The following SRSF3 variants were observed in gnomAD, a reference collection of about 807,000 sequenced individuals.
SRSF3 encodes serine and arginine rich splicing factor 3.
For synonymous variants in SRSF3, 87 were observed against 73.6 expected (o/e 1.18, Z -0.93); for missense variants, 58 against 217.1 (o/e 0.27, Z 4.61).
Position 36,601,001 on chromosome 6 carries a change from C to CTTTTTTTTTTTTTTT in SRSF3, c.342-140_342-126dup. ...GCCTTTTTTTTCTTTTCTTTTTTTT[C>CTTTTTTTTTTTTTTT]TTTTTTTTTTTTTTTTTTTTTTTTT... On this transcript the variant is annotated intron_variant, in intron 3 of 5. Coordinates refer to ENST00000373715, the MANE Select transcript of SRSF3 (RefSeq NM_003017.5). 7.4e-3 allele frequency: 643 copies of CTTTTTTTTTTTTTTT among 86,528 alleles called. 82 individuals are homozygous for CTTTTTTTTTTTTTTT. Among genetic ancestry groups the CTTTTTTTTTTTTTTT allele is most frequent in the East Asian group, 0.016 (38 of 2,330 alleles). The allele number at this position is 86,528 out of a possible 1,614,324, so 5.4% of individuals were successfully genotyped here.
Position 36,604,646 on chromosome 6 carries a change from C to A in SRSF3, c.*2657C>A, listed in dbSNP as rs1283361428. 3 of 164,148 alleles carry A rather than the reference C, an allele frequency of 1.8e-5. No individual in the cohort carries two copies. Among genetic ancestry groups the A allele is most frequent in the Non-Finnish European group, 4.0e-5 (3 of 74,920 alleles). The allele number at this position is 164,148 out of a possible 1,614,324, so 10.2% of individuals were successfully genotyped here. A position where few individuals can be genotyped will look rare whatever the true frequency, so the allele number is the denominator to read the frequency against. On this transcript the variant is annotated 3_prime_UTR_variant, in exon 6 of 6. Transcript: ENST00000373715. The stretch of plus-strand genomic sequence containing the variant: ...CACTCCCACCCTGTTAGACTGCTGT[C>A]AGTGGCTTTCACACAAACCCATATG...
At chr6:36,596,577 G>A (rs531026242) in intron 1 of SRSF3, among the ~76,000 whole-genome samples, 184 bp from the exon 2 acceptor site, 2 of 133,884 alleles carry the variant, frequency 1.5e-5, no homozygotes, top group African/African-American at 5.2e-5. Context: ...GGGGTGGCGG[G>A]GGGGGGGAAA....
chr6:36,597,949 C>G (rs915660424), intron 2 of SRSF3, among the ~76,000 whole-genome samples: 1 of 152,132 alleles, frequency 6.6e-6, no homozygotes, highest in African/African-American at 2.4e-5. Context: ...CCTGCCTCAG[C>G]CTCTCTGAGT....
chr6:36,604,889 T>A lies in SRSF3; in HGVS notation c.*2900T>A, dbSNP rs1361413123. On this transcript the variant is annotated 3_prime_UTR_variant, in exon 6 of 6. Coordinates refer to ENST00000373715, the MANE Select transcript of SRSF3 (RefSeq NM_003017.5). ...ACTAGTTTAGTATTTTGTCCAAGTA[T>A]GCTTTTTTTCAGAGTTCTGAATGAG... The A allele has an allele frequency of 6.6e-6, 1 of 152,224 alleles. No individual in the cohort carries two copies. Among genetic ancestry groups the A allele is most frequent in the East Asian group, 1.9e-4 (1 of 5,204 alleles). The allele number at this position is 152,224 out of a possible 1,614,324, so 9.4% of individuals were successfully genotyped here.
At chr6:36,601,465 A>G (rs951001332) in intron 4 of SRSF3, 1 of 566,796 alleles carries the variant, frequency 1.8e-6, no homozygotes, top group East Asian at 2.8e-5. Flanking sequence ...CTCCCTCTTC[A>G]GCCTCCTGAG....
intron 2 of SRSF3, 90 bp downstream of exon 2, chr6:36,597,058 C>T (rs1778641181): frequency 4.8e-6 from 5 of 1,040,812 alleles, no homozygotes; most frequent in Non-Finnish European, 7.3e-6. Context: ...ATGGCTTTCC[C>T]AATCACTGGC....
In SRSF3 at chr6:36,598,736, G is replaced by C. The variant is rs9368942; in HGVS notation, c.207-113G>C. On this transcript the variant is annotated intron_variant, in intron 2 of 5. Transcript: ENST00000373715. ...GGAGCTAGAAATTTGATGTTAAATT[G>C]CACAGACACTTAGGTGTGTTCTTTG... 436,036 of 1,269,444 alleles carry C rather than the reference G, an allele frequency of 0.34. 80,814 individuals carry two copies. The highest frequency in any genetic ancestry group is 0.64 in the East Asian group (27,296 of 42,408). The allele number at this position is 1,269,444 out of a possible 1,614,324, so 78.6% of individuals were successfully genotyped here.
At chr6:36,594,534 A>C (rs1327080853) in intron 1 of SRSF3, 53 bp downstream of exon 1, 1 of 152,282 alleles carries the variant, frequency 6.6e-6, no homozygotes, top group South Asian at 2.1e-4. Context: ...TAACAGTACC[A>C]AGGAGCCAGG....
Position 36,601,804 on chromosome 6 carries a change from T to A in SRSF3, c.467+10T>A. ...TCTCTAGGTCTCGTAGGTAAGATCT[T>A]TGATAACTTGTATTTAAGACTTTGC... On this transcript the variant is annotated intron_variant, in intron 5 of 5. Coordinates refer to ENST00000373715, the MANE Select transcript of SRSF3 (RefSeq NM_003017.5). 6.2e-7 allele frequency: 1 copy of A among 1,606,504 alleles called. No homozygotes were observed. The highest frequency in any genetic ancestry group is 8.5e-7 in the Non-Finnish European group (1 of 1,173,832).
At chr6:36,599,948 GCCAGT>G in intron 3 of SRSF3, 1 of 1,331,766 alleles carries the variant, frequency 7.5e-7, no homozygotes, top group Non-Finnish European at 9.9e-7. Flanking sequence ...ACCCAGGCTG[GCCAGT>G]CGTCAGGTTG....
rs1778790911 is a variant in SRSF3, at chr6:36,605,286, T to TG, written c.*3299dup. 1 of 152,130 alleles carries TG rather than the reference T, an allele frequency of 6.6e-6. No homozygotes were observed. Among genetic ancestry groups the TG allele is most frequent in the South Asian group, 2.1e-4 (1 of 4,828 alleles). 9.4% of individuals were successfully genotyped at this position (152,130 alleles called of 1,614,324 possible). A position where few individuals can be genotyped will look rare whatever the true frequency, so the allele number is the denominator to read the frequency against. On this transcript the variant is annotated 3_prime_UTR_variant, in exon 6 of 6. Coordinates refer to ENST00000373715, the MANE Select transcript of SRSF3 (RefSeq NM_003017.5). ...AGGTGGATCACTTGTGGTCAGGAGT[T>TG]GGAGACCAGCTTGGTCAACATGGTG...
At chr6:36,594,821 C>A (rs1298378972) in intron 1 of SRSF3, 3 of 150,572 alleles carry the variant, frequency 2.0e-5, no homozygotes, top group Non-Finnish European at 4.4e-5. Flanking sequence ...TGGGAAGCTT[C>A]TCAGAATGTT....
chr6:36,602,643 C>G lies in SRSF3; in HGVS notation c.*654C>G. ...TTCTTTATGTGCAAATTTGTGATTT[C>G]AAAAATGTCCTGCCAGTTTAAGGGT... On this transcript the variant is annotated 3_prime_UTR_variant, in exon 6 of 6. Transcript: ENST00000373715. The G allele has an allele frequency of 4.7e-6, 1 of 214,904 alleles. No homozygotes were observed. Among genetic ancestry groups the G allele is most frequent in the East Asian group, 6.9e-5 (1 of 14,408 alleles). 13.3% of individuals were successfully genotyped at this position (214,904 alleles called of 1,614,324 possible).
intron 2 of SRSF3, chr6:36,598,619 T>C: frequency 2.2e-6 from 1 of 449,582 alleles, no homozygotes; most frequent in Non-Finnish European, 4.0e-6. Context: ...CTTGACCTTG[T>C]GATCCGCCTG....
At chr6:36,596,380 G>A (rs1023349983) in intron 1 of SRSF3, among the ~76,000 whole-genome samples, 1 of 152,084 alleles carries the variant, frequency 6.6e-6, no homozygotes, top group Non-Finnish European at 1.5e-5. Context: ...GTCCCCAACA[G>A]AATTCTCTTC....
At chr6:36,595,441 C>G (rs1280546036) in intron 1 of SRSF3, among the ~76,000 whole-genome samples, 2 of 152,182 alleles carry the variant, frequency 1.3e-5, no homozygotes, top group Non-Finnish European at 1.5e-5. Context: ...AGTTCCAAAA[C>G]ATTTCCGTCA....
At chr6:36,600,901 C>T (rs372725004) in intron 3 of SRSF3, 18 of 394,582 alleles carry the variant, frequency 4.6e-5, no homozygotes, top group Non-Finnish European at 7.6e-5. Flanking sequence ...TGCTGTGAAG[C>T]ATTCTTTGTT....
At position 36,600,973 on chromosome 6, in the gene SRSF3, T is replaced by C. The variant is rs74292944; in HGVS notation, c.342-179T>C. 5.9e-4 allele frequency: 303 copies of C among 510,918 alleles called. 4 individuals are homozygous for C. The South Asian group carries it at 8.0e-3, about 14-fold the overall frequency. The allele number at this position is 510,918 out of a possible 1,614,324, so 31.6% of individuals were successfully genotyped here. ...TGAGCTTTTTGTTTCTTAATCCTTCTGTGCCTTTTTTTTCTTTTCTTTTTT... is the reference window on the plus strand; with the variant it reads ...TGAGCTTTTTGTTTCTTAATCCTTCCGTGCCTTTTTTTTCTTTTCTTTTTT... On this transcript the variant is annotated intron_variant, in intron 3 of 5. Transcript: ENST00000373715.
At chr6:36,595,512 T>TCG (rs1778612334) in intron 1 of SRSF3, among the ~76,000 whole-genome samples, 2 of 152,330 alleles carry the variant, frequency 1.3e-5, no homozygotes, top group Admixed American at 1.3e-4. Context: ...CTGTCCCCCT[T>TCG]CCTCTAGTCC....
Sources: allele counts gnomAD v4.1 joint callset (sites outside exome capture counted in the v4.1 genomes callset), GRCh38; gene constraint gnomAD v4.1.1; transcripts MANE v1.5; gene names NCBI Gene and HGNC (gene_info 2026-07-23, HGNC 2026-07-21).